RMST: variants seen among roughly 807,000 people sequenced by gnomAD.
RMST encodes the protein rhabdomyosarcoma 2 associated transcript.
At chr12:97,482,465 T>A (rs1452935169) in intron 5 of RMST, among the ~76,000 whole-genome samples, 1 of 152,040 alleles carries the variant, frequency 6.6e-6, no homozygotes. Flanking sequence ...AGTAACTTTT[T>A]TTGTTTTGAT....
exon 14 of RMST, chr12:97,564,380 A>T (rs1014697898): frequency 1.3e-5 from 2 of 156,282 alleles, no homozygotes; most frequent in Non-Finnish European, 2.8e-5. Flanking sequence ...TAAATCCGCC[A>T]AGAGTTGTTT....
At chr12:97,547,707 A>G (rs61943704) in intron 11 of RMST, among the ~76,000 whole-genome samples, 5,446 of 152,162 alleles carry the variant, frequency 0.036, 148 homozygotes, top group East Asian at 0.12. Flanking sequence ...AGAAATGTCT[A>G]TTCAGGTGCT....
At chr12:97,525,016 G>A (rs1880943499) in intron 10 of RMST, among the ~76,000 whole-genome samples, 1 of 152,052 alleles carries the variant, frequency 6.6e-6, no homozygotes, top group African/African-American at 2.4e-5. Flanking sequence ...GCATTCTACT[G>A]GCATCTAAAG....
At chr12:97,555,422 G>T (rs1883633013) in intron 11 of RMST, among the ~76,000 whole-genome samples, 1 of 152,034 alleles carries the variant, frequency 6.6e-6, no homozygotes, top group African/African-American at 2.4e-5. Context: ...TTCACACTTG[G>T]ATTAAAATCC....
At chr12:97,502,551 T>C (rs1878195370) in intron 10 of RMST, among the ~76,000 whole-genome samples, 1 of 152,170 alleles carries the variant, frequency 6.6e-6, no homozygotes, top group South Asian at 2.1e-4. Context: ...GTCTCCACTT[T>C]CTGAGCTCAA....
chr12:97,514,960 T>A (rs1243358744), intron 10 of RMST, among the ~76,000 whole-genome samples: 1 of 152,196 alleles, frequency 6.6e-6, no homozygotes, highest in Non-Finnish European at 1.5e-5. Context: ...TTTTTTTGTG[T>A]GTGAAACCTT....
chr12:97,536,369 A>T (rs1338714044), intron 11 of RMST, among the ~76,000 whole-genome samples: 1 of 151,510 alleles, frequency 6.6e-6, no homozygotes, highest in East Asian at 1.9e-4. Flanking sequence ...AGTTATGCAA[A>T]AAGTAAACTT....
chr12:97,547,732 A>G (rs1357757255), intron 11 of RMST, among the ~76,000 whole-genome samples: 2 of 152,076 alleles, frequency 1.3e-5, no homozygotes, highest in African/African-American at 4.8e-5. Context: ...TCAATTTTAA[A>G]TCAGATTATT....
chr12:97,474,624 C>CAAAAAAAAAAAA (rs34888626), intron 5 of RMST, among the ~76,000 whole-genome samples: 2 of 55,800 alleles, frequency 3.6e-5, no homozygotes, highest in African/African-American at 7.6e-5. Flanking sequence ...AAAAAGAAGC[C>CAAAAAAAAAAAA]AAAAAAAAAA....
intron 11 of RMST, chr12:97,551,956 C>T (rs1412313294): frequency 6.6e-6 from 1 of 152,100 alleles, no homozygotes; most frequent in Non-Finnish European, 1.5e-5. Flanking sequence ...AACATTGTGA[C>T]ATTGAAATGT....
intron 11 of RMST, among the ~76,000 whole-genome samples, chr12:97,545,793 C>G (rs552926312): frequency 5.9e-5 from 9 of 152,196 alleles, no homozygotes; most frequent in African/African-American, 1.9e-4. Flanking sequence ...AGTCTTATTT[C>G]TAACACTGCA....
Position 97,517,878 on chromosome 12 carries a change from G to A in RMST, n.1341-12777G>A, listed in dbSNP as rs376109654. ...ATATGTGCATTAAAATTTTTCTTAC[G>A]TATTACCAGTGGTTCCTTGAAATGG... On this transcript the variant is annotated intron_variant and non_coding_transcript_variant, in intron 10 of 13. Transcript: ENST00000640149. Among the ~76,000 whole-genome samples, 36 of 151,890 alleles carry A rather than the reference G, an allele frequency of 2.4e-4. No individual in the cohort carries two copies. In the South Asian group the frequency reaches 4.4e-3, roughly 18 times the overall value.
At chr12:97,492,274 C>T (rs776103570) in intron 5 of RMST, among the ~76,000 whole-genome samples, 21 of 152,194 alleles carry the variant, frequency 1.4e-4, no homozygotes, top group Non-Finnish European at 2.2e-4. Flanking sequence ...GATCTTAACA[C>T]TAAACCTGCC....
At chr12:97,518,468 C>T (rs1294081407) in intron 10 of RMST, among the ~76,000 whole-genome samples, 1 of 152,170 alleles carries the variant, frequency 6.6e-6, no homozygotes, top group Non-Finnish European at 1.5e-5. Flanking sequence ...AGGTTTCTCA[C>T]TGCCTCATAG....
At position 97,521,458 on chromosome 12, in the gene RMST, T is replaced by C. The variant is rs1880503671; in HGVS notation, n.1341-9197T>C. On this transcript the variant is annotated intron_variant and non_coding_transcript_variant, in intron 10 of 13. Transcript: ENST00000640149. ...TATATGTATGTATGTATATATAATA[T>C]ACTAATAACCATTTAGGAAATATCA... Among the ~76,000 whole-genome samples the C allele has an allele frequency of 3.3e-5, 5 of 152,292 alleles. 1 individual carries two copies. In the South Asian group the frequency reaches 1.0e-3, roughly 32 times the overall value.
At chr12:97,465,403 G>A (rs145040075) in intron 4 of RMST, among the ~76,000 whole-genome samples, 4 of 152,170 alleles carry the variant, frequency 2.6e-5, no homozygotes, top group African/African-American at 9.7e-5. Flanking sequence ...TTAGAAAGGA[G>A]CCTTGGTGAT....
chr12:97,513,028 C>T (rs964168273), intron 10 of RMST, among the ~76,000 whole-genome samples: 6 of 152,352 alleles, frequency 3.9e-5, no homozygotes, highest in Admixed American at 3.3e-4. Flanking sequence ...GCCGGCCGCT[C>T]CAACTGCGGG....
intron 13 of RMST, among the ~76,000 whole-genome samples, chr12:97,561,703 G>C (rs1477469919): frequency 5.1e-5 from 6 of 117,092 alleles, no homozygotes; most frequent in African/African-American, 1.7e-4. Context: ...AGAGAGGATT[G>C]CTTCCATCCC....
At position 97,504,404 on chromosome 12, in the gene RMST, A is replaced by T. The variant is rs1308378180; in HGVS notation, n.1340+8348A>T. Among the ~76,000 whole-genome samples the T allele has an allele frequency of 6.4e-4, 4 of 6,264 alleles. No individual in the cohort carries two copies. In the East Asian group the frequency reaches 7.8e-3, roughly 12 times the overall value. The allele number at this position is 6,264 out of a possible 152,430, so 4.1% of individuals were successfully genotyped here. ...GGGCGACAGAGTGAGACTTCATTTC[A>T]AAAAAAAAAAAAAAAAAAAAGAATG... On this transcript the variant is annotated intron_variant and non_coding_transcript_variant, in intron 10 of 13. Transcript: ENST00000640149.
Sources: allele counts gnomAD v4.1 joint callset (sites outside exome capture counted in the v4.1 genomes callset), GRCh38; gene constraint gnomAD v4.1.1; transcripts MANE v1.5; gene names NCBI Gene and HGNC (gene_info 2026-07-23, HGNC 2026-07-21).